Variants in GNG7 observed in about 807,000 individuals in gnomAD.
GNG7 encodes the protein G protein subunit gamma 7.
GNG7 carries 1 observed loss-of-function variant against 4.0 expected under a neutral mutation model. That is an observed-to-expected ratio of 0.25 (90% CI 0.09 to 1.18). GNG7 has a LOEUF of 1.18. Among genes scored for constraint, GNG7 ranks in the 50% most tolerant of loss-of-function variants. The pLI is 0.50. For synonymous variants in GNG7, 34 were observed against 36.9 expected, an observed-to-expected ratio of 0.92 and a Z score of 0.29; for missense variants, 86 against 91.9, an observed-to-expected ratio of 0.94 and a Z score of 0.26.
intron 2 of GNG7, among the ~76,000 whole-genome samples, chr19:2,599,911 T>C (rs905112143): frequency 6.7e-6 from 1 of 149,494 alleles, no homozygotes; most frequent in Non-Finnish European, 1.5e-5. Flanking sequence ...CACTCCAGCC[T>C]GGGCAACAGA....
At position 2,609,129 on chromosome 19, in the gene GNG7, C is replaced by T. The variant is rs7252368; in HGVS notation, c.-78+37095G>A. Among the ~76,000 whole-genome samples the T allele has an allele frequency of 0.054, 8,162 of 152,026 alleles. 737 individuals are homozygous for T. Among genetic ancestry groups the T allele is most frequent in the African/African-American group, 0.19 (7,822 of 41,398 alleles). On this transcript the variant is annotated intron_variant, in intron 2 of 4. Transcript: ENST00000382159. This position sits in a 1 kb window ranked among gnomAD's most constrained non-coding sequence, Gnocchi z 4.4. Reference sequence around the variant, plus strand: ...GCAACCTCTGCCTCTCAGGTTCAAGCAATCCTCCTGCCTTAGCCTCCCGAG... The same window carrying T: ...GCAACCTCTGCCTCTCAGGTTCAAGTAATCCTCCTGCCTTAGCCTCCCGAG...
chr19:2,602,030 T>G (rs912100238), intron 2 of GNG7, among the ~76,000 whole-genome samples: 25 of 151,806 alleles, frequency 1.6e-4, no homozygotes, highest in African/African-American at 5.1e-4. Context: ...GAAGAAAGTC[T>G]GCTAGGATCT....
intron 2 of GNG7, among the ~76,000 whole-genome samples, chr19:2,615,253 C>T (rs973194707): frequency 6.6e-6 from 1 of 151,850 alleles, no homozygotes; most frequent in African/African-American, 2.4e-5. Context: ...ACTCCACCTC[C>T]CAGGTTCCCA....
At chr19:2,545,911 C>T (rs978679854) in intron 3 of GNG7, among the ~76,000 whole-genome samples, 8 of 152,064 alleles carry the variant, frequency 5.3e-5, no homozygotes, top group African/African-American at 1.9e-4. Context: ...GCCAAAATCG[C>T]GCCACTGCAC....
At chr19:2,688,218 ACT>A (rs1337456919) in intron 1 of GNG7, among the ~76,000 whole-genome samples, 2 of 152,248 alleles carry the variant, frequency 1.3e-5, no homozygotes, top group African/African-American at 4.8e-5. Flanking sequence ...GCGCCACTGC[ACT>A]CCAGCCTGGG....
chr19:2,568,222 T>C (rs1043672574), intron 2 of GNG7, among the ~76,000 whole-genome samples: 7 of 146,976 alleles, frequency 4.8e-5, no homozygotes, highest in African/African-American at 1.8e-4. Context: ...CATACAGACA[T>C]GCACACACGT....
intron 3 of GNG7, among the ~76,000 whole-genome samples, chr19:2,543,162 A>C (rs1414311606): frequency 4.1e-5 from 6 of 147,156 alleles, no homozygotes; most frequent in Non-Finnish European, 3.0e-5. Flanking sequence ...CAAGTGATCC[A>C]CCTGCCTTGG....
intron 3 of GNG7, among the ~76,000 whole-genome samples, chr19:2,548,252 G>A (rs1979191806): frequency 6.6e-6 from 1 of 152,130 alleles, no homozygotes; most frequent in Non-Finnish European, 1.5e-5. Context: ...GCCGAGGAGG[G>A]CGGATTGCCT....
In GNG7 at chr19:2,512,244, T is replaced by A; in HGVS notation, c.*2778A>T. 1.0e-6 allele frequency: 1 copy of A among 985,844 alleles called. No individual in the cohort carries two copies. Among genetic ancestry groups the A allele is most frequent in the Non-Finnish European group, 1.2e-6 (1 of 829,964 alleles). The allele number at this position is 985,844 out of a possible 1,614,324, so 61.1% of individuals were successfully genotyped here. On this transcript the variant is annotated 3_prime_UTR_variant, in exon 5 of 5. Transcript: ENST00000382159. This position sits in a 1 kb window ranked among gnomAD's most constrained non-coding sequence, Gnocchi z 4.7. ...CTGGAAACGCCCATAAAACATGCGT[T>A]CACCCCAGGGATTCCCGGCAGAAAA...
At chr19:2,558,790 T>G (rs1381658327) in intron 2 of GNG7, among the ~76,000 whole-genome samples, 1 of 151,788 alleles carries the variant, frequency 6.6e-6, no homozygotes, top group Admixed American at 6.6e-5. Flanking sequence ...TCTCTCTCTT[T>G]CCTTTTTATT....
At position 2,512,422 on chromosome 19, in the gene GNG7, T is replaced by C. The variant is rs1164927400; in HGVS notation, c.*2600A>G. On this transcript the variant is annotated 3_prime_UTR_variant, in exon 5 of 5. Coordinates refer to ENST00000382159, the MANE Select transcript of GNG7 (RefSeq NM_052847.3). This position sits in a 1 kb window ranked among gnomAD's most constrained non-coding sequence, Gnocchi z 4.7. ...AAAGAAACCCACAGGCTTCTGGCAA[T>C]GGCCACCTCCCTGGGGTCCGGGAGA... 2 of 954,876 alleles carry C rather than the reference T, an allele frequency of 2.1e-6. No individual in the cohort carries two copies. The highest frequency in any genetic ancestry group is 1.8e-5 in the African/African-American group (1 of 56,486). 59.2% of individuals were successfully genotyped at this position (954,876 alleles called of 1,614,324 possible).
intron 2 of GNG7, among the ~76,000 whole-genome samples, chr19:2,606,570 G>A (rs1053403850): frequency 1.1e-4 from 16 of 151,628 alleles, no homozygotes; most frequent in Admixed American, 6.6e-5. Context: ...CAGCAGAATC[G>A]CTTGAACCCG....
In GNG7 at chr19:2,626,697, CTG is replaced by C. The variant is rs1982030484; in HGVS notation, c.-78+19525_-78+19526del. 6.6e-6 allele frequency among the ~76,000 whole-genome samples: 1 copy of C among 152,190 alleles called. No individual in the cohort carries two copies. The highest frequency in any genetic ancestry group is 1.5e-5 in the Non-Finnish European group (1 of 68,032). ...TCGGTTCACTCAATCAGGGTCTCAA[CTG>C]GGGTAATTCTGTCCCCTCAGGGGAC... On this transcript the variant is annotated intron_variant, in intron 2 of 4. Transcript: ENST00000382159. The surrounding 1 kb of genome is among the most constrained non-coding windows in gnomAD (Gnocchi z 5.0).
At chr19:2,604,396 A>C (rs1407299734) in intron 2 of GNG7, among the ~76,000 whole-genome samples, 1 of 150,880 alleles carries the variant, frequency 6.6e-6, no homozygotes, top group African/African-American at 2.4e-5. Context: ...GGCTTGAACC[A>C]GGAAGTCGAG....
At chr19:2,571,588 CTT>C (rs779497111) in intron 2 of GNG7, among the ~76,000 whole-genome samples, 2,314 of 67,786 alleles carry the variant, frequency 0.034, 36 homozygotes, top group African/African-American at 0.14. Flanking sequence ...CATTTCTTTC[CTT>C]TTTTTTTTTT....
At chr19:2,593,305 T>TA (rs562060101) in intron 2 of GNG7, among the ~76,000 whole-genome samples, 88 of 150,648 alleles carry the variant, frequency 5.8e-4, no homozygotes, top group African/African-American at 1.9e-3. Flanking sequence ...ATTCCTTTTT[T>TA]AAAAAAAAAA....
At chr19:2,662,793 C>T (rs919378809) in intron 1 of GNG7, among the ~76,000 whole-genome samples, 1 of 152,090 alleles carries the variant, frequency 6.6e-6, no homozygotes, top group African/African-American at 2.4e-5. Flanking sequence ...ACCTTCAGCC[C>T]TTCTCCCCTC....
chr19:2,645,490 C>T (rs1057109779), intron 2 of GNG7, among the ~76,000 whole-genome samples: 6 of 152,052 alleles, frequency 3.9e-5, no homozygotes, highest in Non-Finnish European at 7.4e-5. Context: ...CCACCCATCT[C>T]GGCCTCCCAA....
At chr19:2,542,258 G>T (rs775076451) in intron 3 of GNG7, among the ~76,000 whole-genome samples, 1 of 151,826 alleles carries the variant, frequency 6.6e-6, no homozygotes, top group Non-Finnish European at 1.5e-5. Flanking sequence ...GCGATTACAG[G>T]CGCTCACAAC....
Sources: allele counts gnomAD v4.1 joint callset (sites outside exome capture counted in the v4.1 genomes callset), GRCh38; gene constraint gnomAD v4.1.1; non-coding constraint Gnocchi (gnomAD v3.1); transcripts MANE v1.5; gene names NCBI Gene and HGNC (gene_info 2026-07-23, HGNC 2026-07-21).